RAB27B: variants seen among roughly 807,000 people sequenced by gnomAD.
RAB27B encodes ras-related protein Rab-27B.
RAB27B carries 15 observed loss-of-function variants against 24.6 expected under a neutral mutation model. That is an observed-to-expected ratio of 0.61 (90% CI 0.41 to 0.94). The LOEUF is 0.94. Among genes scored for constraint, RAB27B ranks in the 40% least tolerant of loss-of-function variants. RAB27B has a pLI of 0.00. For missense variants in RAB27B, 261 were observed against 266.8 expected, an observed-to-expected ratio of 0.98 and a Z score of 0.15; for synonymous variants, 105 against 92.5, an observed-to-expected ratio of 1.14 and a Z score of -0.78.
chr18:54,724,407 C>T lies in RAB27B; in HGVS notation c.-20+6266C>T, dbSNP rs942235072. On this transcript the variant is annotated intron_variant, in intron 2 of 4. Transcript: ENST00000586570. ...ACTAAAGGGAACAAGGTATCTAGAA[C>T]ATGGGAGGTGACAGCCCAATAATAC... is the stretch of plus-strand genomic sequence containing the variant. 3.3e-5 allele frequency among the ~76,000 whole-genome samples: 5 copies of T among 151,370 alleles called. 1 individual carries two copies. Among genetic ancestry groups the T allele is most frequent in the Non-Finnish European group, 5.9e-5 (4 of 67,746 alleles).
Position 54,848,618 on chromosome 18 carries a change from A to G in RAB27B, c.-20+19918A>G, listed in dbSNP as rs190823881. Reference sequence around the variant, plus strand: ...TGATTCAATTAAATGTAACAAATACAATTAAATGGAGATGCAATTTGATTT... The same window carrying G: ...TGATTCAATTAAATGTAACAAATACGATTAAATGGAGATGCAATTTGATTT... On this transcript the variant is annotated intron_variant, in intron 1 of 5. Coordinates refer to ENST00000262094, the MANE Select transcript of RAB27B (RefSeq NM_004163.4). 4.2e-3 allele frequency among the ~76,000 whole-genome samples: 641 copies of G among 152,372 alleles called. 2 individuals are homozygous for G. Among genetic ancestry groups the G allele is most frequent in the Non-Finnish European group, 7.4e-3 (502 of 68,040 alleles).
At chr18:54,761,922 G>C (rs1568056286) in intron 2 of RAB27B, among the ~76,000 whole-genome samples, 1 of 152,128 alleles carries the variant, frequency 6.6e-6, no homozygotes, top group Non-Finnish European at 1.5e-5. Flanking sequence ...CTTTACAGAT[G>C]TAATTAGGGT....
At position 54,726,758 on chromosome 18, in the gene RAB27B, A is replaced by C. The variant is rs1006003817; in HGVS notation, c.-20+8617A>C. Among the ~76,000 whole-genome samples, 13 of 151,560 alleles carry C rather than the reference A, an allele frequency of 8.6e-5. 1 individual carries two copies. The highest frequency in any genetic ancestry group is 1.9e-4 in the Non-Finnish European group (13 of 67,814). On this transcript the variant is annotated intron_variant, in intron 2 of 4. Transcript: ENST00000586570. Reference sequence around the variant, plus strand: ...CTTCTACCTTCAAATTGTGTCATTAATTTTACAGTAATTTCATTTATTCTG... The same window carrying C: ...CTTCTACCTTCAAATTGTGTCATTACTTTTACAGTAATTTCATTTATTCTG...
At chr18:54,766,038 C>T (rs1908350689) in intron 2 of RAB27B, among the ~76,000 whole-genome samples, 1 of 152,064 alleles carries the variant, frequency 6.6e-6, no homozygotes, top group African/African-American at 2.4e-5. Context: ...AAAACACCAA[C>T]TTTTTGGCGA....
In RAB27B at chr18:54,828,607, C is replaced by G. The variant is rs899018660; in HGVS notation, c.-113C>G. ...GGAGCAGATCCTGTCTCCTTGCTGA[C>G]GGTGGAGCCCGGGAGTTCCAGGGCT... is the stretch of plus-strand genomic sequence containing the variant. On this transcript the variant is annotated 5_prime_UTR_variant, in exon 1 of 6. Coordinates refer to ENST00000262094, the MANE Select transcript of RAB27B (RefSeq NM_004163.4). 2.0e-5 allele frequency: 3 copies of G among 152,312 alleles called. No homozygotes were observed. Among genetic ancestry groups the G allele is most frequent in the Non-Finnish European group, 1.5e-5 (1 of 68,128 alleles). 9.4% of individuals were successfully genotyped at this position (152,312 alleles called of 1,614,324 possible).
chr18:54,882,114 A>C (rs200216397), intron 3 of RAB27B, among the ~76,000 whole-genome samples: 1 of 152,132 alleles, frequency 6.6e-6, no homozygotes, highest in Non-Finnish European at 1.5e-5. Flanking sequence ...AATTGAATAA[A>C]TTTTTTTGGT....
chr18:54,810,950 A>G (rs1330122856), intron 2 of RAB27B, among the ~76,000 whole-genome samples: 2 of 152,036 alleles, frequency 1.3e-5, no homozygotes, highest in Non-Finnish European at 2.9e-5. Flanking sequence ...TGGCTTTTGT[A>G]TGAATTCTGT....
At chr18:54,734,552 G>T (rs1021721337) in intron 2 of RAB27B, among the ~76,000 whole-genome samples, 10 of 147,130 alleles carry the variant, frequency 6.8e-5, no homozygotes, top group Admixed American at 4.7e-4. Context: ...TTCTCATAAT[G>T]ACTTGATCAA....
At chr18:54,839,702 TTAAGAAAAGTC>T (rs1245059246) in intron 1 of RAB27B, among the ~76,000 whole-genome samples, 2 of 152,220 alleles carry the variant, frequency 1.3e-5, no homozygotes, top group Non-Finnish European at 2.9e-5. Context: ...CCAACACTAA[TTAAGAAAAGTC>T]TAAGAAGCAG....
At chr18:54,731,713 T>C (rs541173495) in intron 2 of RAB27B, among the ~76,000 whole-genome samples, 1 of 152,286 alleles carries the variant, frequency 6.6e-6, no homozygotes, top group South Asian at 2.1e-4. Flanking sequence ...TATTCTTTTT[T>C]AAGTATACAT....
At chr18:54,851,618 T>C (rs1446444591) in intron 1 of RAB27B, among the ~76,000 whole-genome samples, 1 of 152,226 alleles carries the variant, frequency 6.6e-6, no homozygotes, top group African/African-American at 2.4e-5. Context: ...CTGAATTTTA[T>C]TGGCTAAACC....
rs549789438 is a variant in RAB27B at position 54,845,712 on chromosome 18, A to G, written c.-20+17012A>G. Among the ~76,000 whole-genome samples the G allele has an allele frequency of 1.4e-4, 22 of 152,202 alleles. No individual in the cohort carries two copies. The South Asian group carries it at 1.7e-3, about 11-fold the overall frequency. On this transcript the variant is annotated intron_variant, in intron 1 of 5. Coordinates refer to ENST00000262094, the MANE Select transcript of RAB27B (RefSeq NM_004163.4). ...TGTACTTTTCACCAGTTCCATTCCC[A>G]CAGAACAGAACCCTCCTTTCTGTTA...
At chr18:54,874,122 C>T (rs1912594447) in intron 1 of RAB27B, among the ~76,000 whole-genome samples, 1 of 152,180 alleles carries the variant, frequency 6.6e-6, no homozygotes. Context: ...ATCAGGAAAA[C>T]ATGATAGGTC....
intron 2 of RAB27B, among the ~76,000 whole-genome samples, chr18:54,778,952 G>T (rs905649084): frequency 1.3e-5 from 2 of 151,206 alleles, no homozygotes; most frequent in African/African-American, 4.9e-5. Flanking sequence ...CAATTCTTCT[G>T]CCTCAGCCTC....
At chr18:54,822,565 C>G (rs1355111787) in intron 2 of RAB27B, among the ~76,000 whole-genome samples, 2 of 152,138 alleles carry the variant, frequency 1.3e-5, no homozygotes, top group Admixed American at 6.5e-5. Context: ...TTGCATATGA[C>G]TATACTTATG....
At chr18:54,733,210 T>C (rs1482448229) in intron 2 of RAB27B, among the ~76,000 whole-genome samples, 1 of 152,110 alleles carries the variant, frequency 6.6e-6, no homozygotes, top group Non-Finnish European at 1.5e-5. Context: ...CATGCCTGGC[T>C]AATTTTTAAA....
chr18:54,841,706 T>A (rs1276536761), intron 1 of RAB27B, among the ~76,000 whole-genome samples: 3 of 149,092 alleles, frequency 2.0e-5, no homozygotes, highest in African/African-American at 7.8e-5. Context: ...AGCAAACAGG[T>A]CCACCGTTGT....
In RAB27B at chr18:54,725,178, A is replaced by C. The variant is rs905794264; in HGVS notation, c.-20+7037A>C. On this transcript the variant is annotated intron_variant, in intron 2 of 4. Transcript: ENST00000586570. ...CACTTATGACTTATCTCTGTGATCT[A>C]TACTTTAAAAGAAAAATGGAAAGAG... Among the ~76,000 whole-genome samples the C allele has an allele frequency of 2.5e-4, 38 of 151,612 alleles. 2 individuals carry two copies. Among genetic ancestry groups the C allele is most frequent in the Non-Finnish European group, 8.8e-5 (6 of 67,810 alleles).
chr18:54,736,608 T>C (rs969255559), intron 2 of RAB27B, among the ~76,000 whole-genome samples: 2 of 152,160 alleles, frequency 1.3e-5, no homozygotes, highest in Middle Eastern at 3.4e-3. Flanking sequence ...CATGAAGAAG[T>C]ACAAAGGGAA....
Sources: gnomAD v4.1 joint callset for allele counts (sites outside exome capture counted in the v4.1 genomes callset) on GRCh38, gnomAD v4.1.1 for gene constraint, MANE v1.5 for transcripts, NCBI Gene and HGNC (gene_info 2026-07-23, HGNC 2026-07-21) for gene names.